Variants in TENT2 observed in about 807,000 individuals in gnomAD.
The protein encoded by TENT2 is terminal nucleotidyltransferase 2, also known as poly(A) RNA polymerase GLD2.
TENT2 carries 44 observed loss-of-function variants against 72.2 expected under a neutral mutation model. The observed-to-expected ratio is 0.61, with a 90% CI of 0.48 to 0.78. The LOEUF is 0.78. TENT2 is among the 30% of genes least tolerant of loss of function. The probability of loss-of-function intolerance (pLI) is 0.00; values close to 1 mark genes in which losing one functional copy is unlikely to be tolerated. For synonymous variants in TENT2, 212 were observed against 192.5 expected (o/e 1.10, Z -0.84); for missense variants, 541 against 569.6 (o/e 0.95, Z 0.51).
chr5:79,624,928 G>T (rs1768207858), intron 4 of TENT2, among the ~76,000 whole-genome samples: 1 of 152,162 alleles, frequency 6.6e-6, no homozygotes, highest in Non-Finnish European at 1.5e-5. Flanking sequence ...AAATTGCTTG[G>T]TCATATGGTA....
At chr5:79,614,810 ATGT>A (rs1475430905) in intron 1 of TENT2, among the ~76,000 whole-genome samples, 6 of 149,580 alleles carry the variant, frequency 4.0e-5, no homozygotes, top group South Asian at 2.1e-4. Context: ...AAAAATGATT[ATGT>A]TGTTTATGAT....
chr5:79,682,585 G>A (rs747831227), intron 14 of TENT2, among the ~76,000 whole-genome samples: 1 of 151,492 alleles, frequency 6.6e-6, no homozygotes, highest in African/African-American at 2.4e-5. Context: ...ATGCCCTACC[G>A]AAATAAGCAT....
chr5:79,621,616 A>T (rs1052428366), intron 3 of TENT2, among the ~76,000 whole-genome samples: 6 of 151,656 alleles, frequency 4.0e-5, no homozygotes, highest in African/African-American at 1.2e-4. Context: ...AAATTAGCCG[A>T]GTGTGGTGGC....
chr5:79,657,447 G>A (rs1798735781), intron 11 of TENT2, among the ~76,000 whole-genome samples: 1 of 152,060 alleles, frequency 6.6e-6, no homozygotes, highest in African/African-American at 2.4e-5. Context: ...TCTTTAATTT[G>A]ATCTTGCTAA....
intron 1 of TENT2, among the ~76,000 whole-genome samples, chr5:79,617,345 G>C (rs1761091640): frequency 6.6e-6 from 1 of 151,598 alleles, no homozygotes; most frequent in Admixed American, 6.6e-5. Flanking sequence ...TTCATTCTTT[G>C]TAAGAATCAG....
At chr5:79,656,065 A>G (rs557050364) in intron 10 of TENT2, among the ~76,000 whole-genome samples, 23 of 152,110 alleles carry the variant, frequency 1.5e-4, no homozygotes, top group African/African-American at 4.8e-4. Flanking sequence ...GTTGTTATAC[A>G]TAGTGTATTC....
chr5:79,633,815 C>A (rs1777714741), intron 4 of TENT2, among the ~76,000 whole-genome samples: 1 of 149,308 alleles, frequency 6.7e-6, no homozygotes, highest in Non-Finnish European at 1.5e-5. Flanking sequence ...GAAGGTTATA[C>A]AGTGTTAAAT....
intron 11 of TENT2, among the ~76,000 whole-genome samples, chr5:79,661,754 G>T (rs1803070857): frequency 6.6e-6 from 1 of 152,192 alleles, no homozygotes; most frequent in Non-Finnish European, 1.5e-5. Context: ...GTTGCTGAAG[G>T]TTGGGGTGGC....
chr5:79,640,807 C>A, intron 4 of TENT2, 44 bp from the exon 5 acceptor site: 1 of 1,274,320 alleles, frequency 7.8e-7, no homozygotes. Flanking sequence ...ATTACTTTTA[C>A]ATTGCTGAAC....
intron 7 of TENT2, among the ~76,000 whole-genome samples, chr5:79,643,302 A>G (rs139751347): frequency 8.3e-4 from 126 of 152,314 alleles, no homozygotes; most frequent in Non-Finnish European, 1.5e-3. Flanking sequence ...CTGGCTTGCA[A>G]TGATATGCAT....
At chr5:79,633,956 A>T (rs918391163) in intron 4 of TENT2, among the ~76,000 whole-genome samples, 1 of 146,840 alleles carries the variant, frequency 6.8e-6, no homozygotes. Context: ...GATCGAGACC[A>T]TCCTGGCTAA....
intron 8 of TENT2, among the ~76,000 whole-genome samples, chr5:79,647,886 A>C (rs184801061): frequency 1.3e-5 from 2 of 152,248 alleles, no homozygotes; most frequent in African/African-American, 4.8e-5. Context: ...TATGTGTTTG[A>C]GTAGTATAGA....
intron 4 of TENT2, among the ~76,000 whole-genome samples, chr5:79,627,763 G>A (rs1771597612): frequency 6.6e-6 from 1 of 152,216 alleles, no homozygotes; most frequent in Admixed American, 6.5e-5. Flanking sequence ...GGGTTTATAG[G>A]TGTGATCCAC....
At chr5:79,650,121 C>T (rs1296965053) in intron 10 of TENT2, among the ~76,000 whole-genome samples, 1 of 152,052 alleles carries the variant, frequency 6.6e-6, no homozygotes, top group African/African-American at 2.4e-5. Context: ...TTGATCTGTT[C>T]TGGGTTGGTG....
intron 4 of TENT2, among the ~76,000 whole-genome samples, chr5:79,636,893 A>C (rs1419493855): frequency 6.6e-6 from 1 of 152,144 alleles, no homozygotes; most frequent in African/African-American, 2.4e-5. Flanking sequence ...GTTTGTTGAT[A>C]GTATGTATGC....
At chr5:79,615,948 G>A (rs1043748529) in intron 1 of TENT2, among the ~76,000 whole-genome samples, 1 of 152,036 alleles carries the variant, frequency 6.6e-6, no homozygotes, top group Non-Finnish European at 1.5e-5. Flanking sequence ...GAGTGCAGTG[G>A]TGCGATCTCT....
At chr5:79,666,241 G>A (rs1265110156) in intron 11 of TENT2, among the ~76,000 whole-genome samples, 2 of 141,610 alleles carry the variant, frequency 1.4e-5, no homozygotes, top group African/African-American at 3.0e-5. Flanking sequence ...CGCTCGCCTC[G>A]GCCTCCTGAA....
intron 13 of TENT2, among the ~76,000 whole-genome samples, chr5:79,681,100 C>G (rs780736093): frequency 2.4e-5 from 3 of 124,402 alleles, no homozygotes; most frequent in Non-Finnish European, 3.5e-5. Flanking sequence ...TTTCTGTTTT[C>G]TTTTTCTGCC....
chr5:79,626,377 G>A (rs1428657956), intron 4 of TENT2, among the ~76,000 whole-genome samples: 2 of 149,220 alleles, frequency 1.3e-5, no homozygotes, highest in East Asian at 2.0e-4. Context: ...GTACGAACTC[G>A]GCTCACTGCA....
Sources: allele counts gnomAD v4.1 joint callset (sites outside exome capture counted in the v4.1 genomes callset), GRCh38; gene constraint gnomAD v4.1.1; transcripts MANE v1.5; gene names NCBI Gene and HGNC (gene_info 2026-07-23, HGNC 2026-07-21).